ALDH1L1: variants seen among roughly 807,000 people sequenced by gnomAD.
The protein encoded by ALDH1L1 is cytosolic 10-formyltetrahydrofolate dehydrogenase.
In ALDH1L1, 68 loss-of-function variants were observed where a neutral mutation model predicts 101.1. That is an observed-to-expected ratio of 0.67 (90% CI 0.55 to 0.82). The LOEUF is 0.82. Ranked by LOEUF, ALDH1L1 falls within the 40% of genes least tolerant of loss-of-function variation. The pLI is 0.00. For missense variants in ALDH1L1, 1,087 were observed against 1,172.7 expected (o/e 0.93, Z 1.07); for synonymous variants, 486 against 470.8 (o/e 1.03, Z -0.42).
chr3:126,190,633 C>G (rs1223457466), intron 1 of ALDH1L1, among the ~76,000 whole-genome samples: 1 of 152,248 alleles, frequency 6.6e-6, no homozygotes, highest in Non-Finnish European at 1.5e-5. Context: ...AATTTTAGTA[C>G]TGGCTGACTT....
At chr3:126,148,584 G>T (rs1451691898) in intron 8 of ALDH1L1, among the ~76,000 whole-genome samples, 1 of 152,172 alleles carries the variant, frequency 6.6e-6, no homozygotes, top group Non-Finnish European at 1.5e-5. Context: ...CCTAGCGATG[G>T]CCTTAGGGGG....
chr3:126,122,774 A>T (rs936335346), intron 16 of ALDH1L1, among the ~76,000 whole-genome samples: 1 of 152,202 alleles, frequency 6.6e-6, no homozygotes, highest in Non-Finnish European at 1.5e-5. Flanking sequence ...TAAGTATATG[A>T]TAAGTCTTAG....
exon 1 of ALDH1L1, chr3:126,197,944 A>G (rs1170855132): frequency 1.1e-5 from 1 of 92,570 alleles, no homozygotes; most frequent in African/African-American, 4.1e-5. Context: ...AAATTTATAG[A>G]CAAAAAAAAA....
chr3:126,112,573 C>T (rs1215231288), intron 19 of ALDH1L1, among the ~76,000 whole-genome samples: 1 of 152,210 alleles, frequency 6.6e-6, no homozygotes, highest in Non-Finnish European at 1.5e-5. Flanking sequence ...AGTTTTGCTA[C>T]AGGTCTGCTA....
upstream of ALDH1L1, chr3:126,181,227 T>C (rs548366627): frequency 3.0e-5 from 18 of 593,038 alleles, no homozygotes; most frequent in East Asian, 5.1e-4. Context: ...CAGCCCGGTC[T>C]CAGGCAAGGC....
chr3:126,113,243 G>A (rs79190969), intron 18 of ALDH1L1, among the ~76,000 whole-genome samples: 2,874 of 152,204 alleles, frequency 0.019, 95 homozygotes, highest in African/African-American at 0.064. Context: ...AGGAGGTGCC[G>A]ACTCCTGTTT....
chr3:126,164,222 C>A (rs2081118479), intron 1 of ALDH1L1, among the ~76,000 whole-genome samples: 1 of 152,142 alleles, frequency 6.6e-6, no homozygotes, highest in Non-Finnish European at 1.5e-5. Context: ...TCAAATACTT[C>A]ATTGTAACAA....
chr3:126,174,542 A>C (rs575979506), intron 1 of ALDH1L1, among the ~76,000 whole-genome samples: 1 of 152,268 alleles, frequency 6.6e-6, no homozygotes, highest in South Asian at 2.1e-4. Flanking sequence ...AATGACTTCT[A>C]TGATGGAGAT....
rs193053109 is a variant in ALDH1L1 at position 126,166,842 on chromosome 3, G to C, written c.-23-5840C>G. The stretch of plus-strand genomic sequence containing the variant: ...TGGCACTTCAGTAGTGTATACACTA[G>C]CATTAGTTTATACACTACTTTTGCC... On this transcript the variant is annotated intron_variant, in intron 1 of 22. Transcript: ENST00000393434. Among the ~76,000 whole-genome samples the C allele has an allele frequency of 4.9e-3, 742 of 152,140 alleles. 6 individuals are homozygous for C. The highest frequency in any genetic ancestry group is 0.017 in the African/African-American group (702 of 41,524).
intron 21 of ALDH1L1, 86 bp from the exon 22 acceptor site, chr3:126,106,011 C>T (rs1945857002): frequency 7.4e-7 from 1 of 1,355,170 alleles, no homozygotes; most frequent in Admixed American, 2.0e-5. Flanking sequence ...CTCCACACCC[C>T]AGCTGCATAA....
chr3:126,180,927 C>T (rs770415593), upstream of ALDH1L1: 3 of 1,608,912 alleles, frequency 1.9e-6, no homozygotes, highest in East Asian at 2.2e-5. Context: ...CTCACTCACT[C>T]GCTCACCCTC....
intron 21 of ALDH1L1, among the ~76,000 whole-genome samples, chr3:126,106,471 A>G (rs1360898775): frequency 3.9e-5 from 6 of 152,234 alleles, no homozygotes; most frequent in African/African-American, 1.2e-4. Context: ...CATGGGCCTC[A>G]GTGGCCCCAC....
At chr3:126,117,525 G>A (rs913517048) in intron 17 of ALDH1L1, among the ~76,000 whole-genome samples, 1 of 151,216 alleles carries the variant, frequency 6.6e-6, no homozygotes, top group African/African-American at 2.4e-5. Flanking sequence ...GCTTGGTGGT[G>A]CATGCCTGTA....
At chr3:126,179,558 G>A (rs1422752642) in intron 1 of ALDH1L1, among the ~76,000 whole-genome samples, 3 of 152,116 alleles carry the variant, frequency 2.0e-5, no homozygotes, top group Non-Finnish European at 2.9e-5. Context: ...AGGGCCAGGC[G>A]CGGGGCAGTC....
intron 22 of ALDH1L1, chr3:126,105,427 C>T: frequency 2.4e-6 from 1 of 420,952 alleles, no homozygotes. Context: ...CAACTCCTCC[C>T]TGCTATGCAG....
Position 126,135,526 on chromosome 3 carries a change from G to A in ALDH1L1, c.1472+9C>T. On this transcript the variant is annotated intron_variant, in intron 12 of 22. Transcript: ENST00000393434. ...GGCAGTGGCTGGCAGGTACATGTTGGGCTCCCACCTGTACATCAGCCGGCC... is the reference window on the plus strand; with the variant it reads ...GGCAGTGGCTGGCAGGTACATGTTGAGCTCCCACCTGTACATCAGCCGGCC... The A allele has an allele frequency of 6.2e-7, 1 of 1,604,040 alleles. No homozygotes were observed.
chr3:126,187,879 C>A (rs145512745), intron 1 of ALDH1L1, among the ~76,000 whole-genome samples: 26 of 138,586 alleles, frequency 1.9e-4, no homozygotes, highest in African/African-American at 6.5e-4. Context: ...GTTCGGGTGA[C>A]AACGGCTCTG....
At chr3:126,114,424 C>T (rs1248046889) in intron 18 of ALDH1L1, 133 bp downstream of exon 18, 1 of 637,238 alleles carries the variant, frequency 1.6e-6, no homozygotes, top group Non-Finnish European at 2.4e-6. Flanking sequence ...CCACGCTATG[C>T]TTGTGATGAC....
In ALDH1L1 at chr3:126,150,387, C is replaced by T; in HGVS notation, c.984+19G>A. ...CACAACCTGCCCAACTGGATGGCAG[C>T]CCTGAAGTTGCCTCTTACCCGCACA... On this transcript the variant is annotated intron_variant, in intron 8 of 22. Transcript: ENST00000393434. The T allele has an allele frequency of 6.5e-7, 1 of 1,549,540 alleles. No individual in the cohort carries two copies. The highest frequency in any genetic ancestry group is 8.7e-7 in the Non-Finnish European group (1 of 1,146,120).
Sources: allele counts gnomAD v4.1 joint callset (sites outside exome capture counted in the v4.1 genomes callset), GRCh38; gene constraint gnomAD v4.1.1; transcripts MANE v1.5; gene names NCBI Gene and HGNC (gene_info 2026-07-23, HGNC 2026-07-21).